RBM26: variants seen among roughly 807,000 people sequenced by gnomAD.
RBM26 encodes the protein RNA binding motif protein 26, also known as RNA-binding protein 26.
In RBM26, 30 loss-of-function variants were observed where a neutral mutation model predicts 123.6. The ratio of observed to expected loss-of-function variants is 0.24; its 90% CI spans 0.18 to 0.33. The LOEUF is 0.33. Ranked by LOEUF, RBM26 falls within the 10% of genes least tolerant of loss-of-function variation. RBM26 has a pLI of 1.00. For missense variants in RBM26, 947 were observed against 1,203.6 expected (o/e 0.79, Z 3.15); for synonymous variants, 400 against 404.4 (o/e 0.99, Z 0.13).
chr13:79,328,941 TA>T (rs2068868185), intron 20 of RBM26, among the ~76,000 whole-genome samples: 1 of 151,738 alleles, frequency 6.6e-6, no homozygotes, highest in Non-Finnish European at 1.5e-5. Context: ...TTTTTTTTTT[TA>T]ATAAGAAAAG....
intron 20 of RBM26, among the ~76,000 whole-genome samples, chr13:79,325,390 T>C (rs1054405484): frequency 6.6e-6 from 1 of 152,112 alleles, no homozygotes; most frequent in Non-Finnish European, 1.5e-5. Context: ...CCCTCAAGAC[T>C]TTCCAGTGGG....
chr13:79,336,705 A>C lies in RBM26; in HGVS notation c.2733+397T>G, dbSNP rs76881731. 1.5e-3 allele frequency among the ~76,000 whole-genome samples: 222 copies of C among 152,354 alleles called. 2 individuals are homozygous for C. Among genetic ancestry groups the C allele is most frequent in the African/African-American group, 5.1e-3 (212 of 41,594 alleles). On this transcript the variant is annotated intron_variant, in intron 19 of 21. Coordinates refer to ENST00000438737, the MANE Select transcript of RBM26 (RefSeq NM_001366735.2). The stretch of plus-strand genomic sequence containing the variant: ...TAGGTCAAAATTTTATCTTGTTTCA[A>C]TACTGGGTCAGCTAGATCAAGAATA...
exon 5 of RBM26, chr13:79,313,143 A>G (rs1177417900): frequency 6.6e-6 from 1 of 151,934 alleles, no homozygotes; most frequent in Non-Finnish European, 1.5e-5. Context: ...TCAATTACAC[A>G]AAAGTGATTC....
chr13:79,355,409 G>C (rs1255941001), intron 11 of RBM26, 25 bp from the exon 12 acceptor site: 4 of 1,591,904 alleles, frequency 2.5e-6, no homozygotes. Context: ...ATTAAGAACA[G>C]TGAATTTCCA....
At chr13:79,325,007 C>G (rs1250279840) in intron 20 of RBM26, among the ~76,000 whole-genome samples, 5 of 151,908 alleles carry the variant, frequency 3.3e-5, no homozygotes, top group African/African-American at 1.2e-4. Context: ...AAAGTGGTCC[C>G]CTAAGATTTT....
At chr13:79,403,090 CAA>C (rs1214237865) in intron 1 of RBM26, among the ~76,000 whole-genome samples, 32 of 120,876 alleles carry the variant, frequency 2.6e-4, no homozygotes, top group Admixed American at 4.1e-4. Context: ...AATGTTAAAG[CAA>C]AAAAAAAAAA....
intron 3 of RBM26, among the ~76,000 whole-genome samples, chr13:79,373,556 CTATATATATTTATATAATATATTT>C (rs2076325790): frequency 2.0e-5 from 2 of 97,656 alleles, no homozygotes; most frequent in East Asian, 2.6e-4. Context: ...TTATATATTA[CTATATATATTTATATAATATATTT>C]ATATATTACT....
At chr13:79,372,212 G>A (rs1293022915) in intron 3 of RBM26, among the ~76,000 whole-genome samples, 1 of 152,204 alleles carries the variant, frequency 6.6e-6, no homozygotes, top group East Asian at 1.9e-4. Flanking sequence ...CTGGCAGGCA[G>A]AGGTTGCAGT....
chr13:79,351,709 G>A (rs1437889606), intron 14 of RBM26, among the ~76,000 whole-genome samples: 1 of 152,126 alleles, frequency 6.6e-6, no homozygotes, highest in Non-Finnish European at 1.5e-5. Context: ...ACTCCCTTGG[G>A]TAAAAAGACT....
At chr13:79,388,154 G>A (rs1251715780) in intron 1 of RBM26, among the ~76,000 whole-genome samples, 1 of 152,226 alleles carries the variant, frequency 6.6e-6, no homozygotes, top group African/African-American at 2.4e-5. Flanking sequence ...CTGGAATGCA[G>A]TGGCGATCTC....
chr13:79,348,323 T>C (rs2072660794), intron 14 of RBM26, among the ~76,000 whole-genome samples: 1 of 152,200 alleles, frequency 6.6e-6, no homozygotes, highest in African/African-American at 2.4e-5. Context: ...ATACCTCTTA[T>C]TTTCCCTAAA....
At chr13:79,403,054 TCAAA>T (rs1417574964) in intron 1 of RBM26, among the ~76,000 whole-genome samples, 1 of 150,606 alleles carries the variant, frequency 6.6e-6, no homozygotes, top group African/African-American at 2.4e-5. Context: ...TGTTCCTCTC[TCAAA>T]CAGAGGTCGT....
intron 1 of RBM26, among the ~76,000 whole-genome samples, chr13:79,397,677 T>A (rs2078697162): frequency 3.7e-5 from 1 of 27,262 alleles, no homozygotes; most frequent in Admixed American, 7.5e-4. Flanking sequence ...CCAGACTCCA[T>A]CTCAAAAAAA....
intron 20 of RBM26, among the ~76,000 whole-genome samples, chr13:79,333,698 C>CT (rs571334587): frequency 6.6e-5 from 10 of 151,228 alleles, no homozygotes; most frequent in South Asian, 2.1e-4. Flanking sequence ...TCCCATTTTC[C>CT]TTTTTTTTTA....
chr13:79,400,363 T>C (rs2078958137), intron 1 of RBM26, among the ~76,000 whole-genome samples: 1 of 152,202 alleles, frequency 6.6e-6, no homozygotes, highest in African/African-American at 2.4e-5. Flanking sequence ...CCTTGAACAC[T>C]GCATCCTCCG....
chr13:79,327,059 G>C (rs2068536265), intron 20 of RBM26, among the ~76,000 whole-genome samples: 4 of 152,046 alleles, frequency 2.6e-5, no homozygotes, highest in Admixed American at 2.6e-4. Context: ...ACTTTGTGAG[G>C]CTGAGACAGG....
At chr13:79,350,793 T>C (rs377000273) in intron 14 of RBM26, among the ~76,000 whole-genome samples, 8 of 152,256 alleles carry the variant, frequency 5.3e-5, no homozygotes, top group African/African-American at 1.9e-4. Flanking sequence ...CTTCTATTCT[T>C]TCTAAGACTT....
At chr13:79,390,075 TTATA>T (rs367953330) in intron 1 of RBM26, among the ~76,000 whole-genome samples, 40 of 152,272 alleles carry the variant, frequency 2.6e-4, no homozygotes, top group African/African-American at 9.1e-4. Context: ...GTTTACAAGT[TTATA>T]TATGAGAATC....
intron 3 of RBM26, among the ~76,000 whole-genome samples, chr13:79,373,437 A>AT (rs551155962): frequency 1.2e-4 from 2 of 17,050 alleles, no homozygotes; most frequent in East Asian, 1.6e-3. Context: ...ATAAATATAT[A>AT]TTATATATTA....
Sources: gnomAD v4.1 joint callset for allele counts (sites outside exome capture counted in the v4.1 genomes callset) on GRCh38, gnomAD v4.1.1 for gene constraint, MANE v1.5 for transcripts, NCBI Gene and HGNC (gene_info 2026-07-23, HGNC 2026-07-21) for gene names.